The following EPAS1 variants were observed in gnomAD, a reference collection of about 807,000 sequenced individuals.
The protein encoded by EPAS1 is endothelial PAS domain-containing protein 1.
In EPAS1, 23 loss-of-function variants were observed where a neutral mutation model predicts 87.9. The ratio of observed to expected loss-of-function variants is 0.26; its 90% CI spans 0.19 to 0.37. The LOEUF is 0.37. Among genes scored for constraint, EPAS1 ranks in the 10% least tolerant of loss-of-function variants. The pLI, the probability that EPAS1 is intolerant of heterozygous loss-of-function variation, is 1.00. For missense variants in EPAS1, 1,138 were observed against 1,120.7 expected (o/e 1.02, Z -0.22); for synonymous variants, 508 against 444.3 (o/e 1.14, Z -1.80).
At chr2:46,344,755 G>C (rs1019758711) in intron 1 of EPAS1, among the ~76,000 whole-genome samples, 1 of 152,184 alleles carries the variant, frequency 6.6e-6, no homozygotes, top group Non-Finnish European at 1.5e-5. Context: ...AAGCAGAGAA[G>C]GGAGACATGA....
rs57351888 is a variant in EPAS1, at chr2:46,359,257, CA to C, written c.455-1357del. Among the ~76,000 whole-genome samples the C allele has an allele frequency of 2.6e-3, 66 of 25,092 alleles. 2 individuals carry two copies. In the East Asian group the frequency reaches 0.04, roughly 15 times the overall value. The allele number at this position is 25,092 out of a possible 152,430, so 16.5% of individuals were successfully genotyped here. A position where few individuals can be genotyped will look rare whatever the true frequency, so the allele number is the denominator to read the frequency against. ...CTGGCGACAGAGCAAGATTCTGTCT[CA>C]AAAAAAAAAAAAAAAAAAAAAAAGA... On this transcript the variant is annotated intron_variant, in intron 4 of 15. Transcript: ENST00000263734.
At chr2:46,332,332 G>GTATATATA (rs35565221) in intron 1 of EPAS1, among the ~76,000 whole-genome samples, 14 of 142,192 alleles carry the variant, frequency 9.8e-5, no homozygotes, top group African/African-American at 3.8e-4. Context: ...GTGTGTGTGT[G>GTATATATA]TATCAACTTG....
At chr2:46,384,446 A>T in intron 15 of EPAS1, 63 bp from the exon 16 acceptor site, 1 of 1,610,210 alleles carries the variant, frequency 6.2e-7, no homozygotes, top group Non-Finnish European at 8.5e-7. Context: ...GTCACAAAGA[A>T]GTAGACACTT....
chr2:46,298,015 T>C, intron 1 of EPAS1, 78 bp downstream of exon 1: 1 of 1,550,598 alleles, frequency 6.4e-7, no homozygotes, highest in Non-Finnish European at 8.7e-7. Context: ...CGACCGAGAG[T>C]GGTTGGGAGA....
chr2:46,314,130 C>G (rs570094622), intron 1 of EPAS1, among the ~76,000 whole-genome samples: 1 of 152,308 alleles, frequency 6.6e-6, no homozygotes, highest in Admixed American at 6.5e-5. Flanking sequence ...TCCACAGACC[C>G]ATGCTGTCTC....
At chr2:46,369,265 G>C (rs891061530) in intron 6 of EPAS1, among the ~76,000 whole-genome samples, 1 of 152,172 alleles carries the variant, frequency 6.6e-6, no homozygotes, top group Non-Finnish European at 1.5e-5. Context: ...AAGCACAGAC[G>C]GGTTCTGCCT....
At chr2:46,372,756 G>A (rs547795586) in intron 7 of EPAS1, among the ~76,000 whole-genome samples, 1 of 152,380 alleles carries the variant, frequency 6.6e-6, no homozygotes, top group South Asian at 2.1e-4. Flanking sequence ...GCAATTGTTA[G>A]AAATGCACTT....
intron 1 of EPAS1, among the ~76,000 whole-genome samples, chr2:46,311,800 G>A (rs1683216181): frequency 1.3e-5 from 2 of 152,326 alleles, no homozygotes; most frequent in Admixed American, 1.3e-4. Flanking sequence ...GGGCACACCT[G>A]AGGGTGGTGT....
chr2:46,331,857 G>A (rs1683680514), intron 1 of EPAS1, among the ~76,000 whole-genome samples: 1 of 152,188 alleles, frequency 6.6e-6, no homozygotes, highest in African/African-American at 2.4e-5. Flanking sequence ...ACACGGCGCT[G>A]CCTCTGAGGC....
At chr2:46,358,994 C>G (rs1684328630) in intron 4 of EPAS1, among the ~76,000 whole-genome samples, 1 of 152,098 alleles carries the variant, frequency 6.6e-6, no homozygotes, top group Non-Finnish European at 1.5e-5. Flanking sequence ...GGCACGGTGG[C>G]TCACGCCTGT....
intron 1 of EPAS1, among the ~76,000 whole-genome samples, chr2:46,310,904 T>G (rs1305158217): frequency 6.6e-6 from 1 of 151,928 alleles, no homozygotes; most frequent in African/African-American, 2.4e-5. Flanking sequence ...TGAGACGGAG[T>G]CTCGCTCTGT....
intron 1 of EPAS1, among the ~76,000 whole-genome samples, chr2:46,318,637 C>T (rs1215330319): frequency 1.3e-5 from 2 of 152,156 alleles, no homozygotes; most frequent in African/African-American, 4.8e-5. Context: ...TGTACCCTAA[C>T]CTCTTCTTTC....
chr2:46,297,924 A>G lies in EPAS1; in HGVS notation c.13A>G (p.Lys5Glu). ...GGCCACAGCGACAATGACAGCTGAC[A>G]AGGAGAAGAAAAGGTAAGCGGGCGT... MTAD[K>E]EKKRSSSERR... Residue 5 changes from lysine (K) to glutamate (E), a missense_variant, in exon 1 of 16, where the codon AAG becomes GAG. By Grantham distance (56) the Lys-to-Glu change is moderately conservative. Around this residue, in one of 4 missense-constraint regions of EPAS1, gnomAD observed 351 missense variants for 417.1 expected, o/e 0.84. Transcript: ENST00000263734. The G allele has an allele frequency of 6.2e-7, 1 of 1,612,426 alleles. No individual in the cohort carries two copies. Among genetic ancestry groups the G allele is most frequent in the Non-Finnish European group, 8.5e-7 (1 of 1,179,234 alleles).
chr2:46,374,628 G>A (rs541544520), intron 7 of EPAS1, among the ~76,000 whole-genome samples: 6 of 152,158 alleles, frequency 3.9e-5, no homozygotes, highest in Non-Finnish European at 7.3e-5. Flanking sequence ...AAGATTTCCC[G>A]ATCCTCCCTC....
At chr2:46,333,242 C>G (rs1255524716) in intron 1 of EPAS1, among the ~76,000 whole-genome samples, 3 of 152,186 alleles carry the variant, frequency 2.0e-5, no homozygotes, top group Admixed American at 6.5e-5. Flanking sequence ...TTCATGCCAG[C>G]TCACCATACC....
In EPAS1 at chr2:46,346,857, C is replaced by T; in HGVS notation, c.27-16C>T. On this transcript the variant is annotated splice_polypyrimidine_tract_variant and intron_variant, in intron 1 of 15. Transcript: ENST00000263734. The surrounding 1 kb of genome is among the most constrained non-coding windows in gnomAD (Gnocchi z 4.0). Reference sequence around the variant, plus strand: ...ACAGTAACCTTTCCGGGACTAACCCCTTCTTCTCCACTTAGGAGTAGCTCG... The same window carrying T: ...ACAGTAACCTTTCCGGGACTAACCCTTTCTTCTCCACTTAGGAGTAGCTCG... 6.2e-7 allele frequency: 1 copy of T among 1,614,080 alleles called. No individual in the cohort carries two copies.
At chr2:46,327,076 G>T (rs1288878806) in intron 1 of EPAS1, among the ~76,000 whole-genome samples, 1 of 152,208 alleles carries the variant, frequency 6.6e-6, no homozygotes, top group Non-Finnish European at 1.5e-5. Flanking sequence ...ACCAGCAGGG[G>T]CCGTGCTGAC....
intron 2 of EPAS1, among the ~76,000 whole-genome samples, chr2:46,350,583 C>T (rs558984033): frequency 6.6e-6 from 1 of 152,238 alleles, no homozygotes; most frequent in Admixed American, 6.5e-5. Context: ...CACACTCTTA[C>T]AGGAACATCG....
At position 46,343,048 on chromosome 2, in the gene EPAS1, C is replaced by T. The variant is rs371798684; in HGVS notation, c.27-3825C>T. ...AAAGAAACACCTTTTTCTCCACCTG[C>T]GGCATAGATAGATACTGTGGCAGGG... On this transcript the variant is annotated intron_variant, in intron 1 of 15. Transcript: ENST00000263734. Among the ~76,000 whole-genome samples, 9 of 152,002 alleles carry T rather than the reference C, an allele frequency of 5.9e-5. No individual in the cohort carries two copies. In the South Asian group the frequency reaches 6.2e-4, roughly 11 times the overall value.
Sources: allele counts gnomAD v4.1 joint callset (sites outside exome capture counted in the v4.1 genomes callset), GRCh38; gene constraint gnomAD v4.1.1; regional missense constraint gnomAD v4.1.1; non-coding constraint Gnocchi (gnomAD v3.1); transcripts MANE v1.5; gene names NCBI Gene and HGNC (gene_info 2026-07-23, HGNC 2026-07-21).